Variants in DAG1 observed in about 807,000 individuals in gnomAD.
DAG1 encodes dystroglycan 1.
A neutral mutation model predicts 46.1 loss-of-function variants in DAG1; 8 were observed. The ratio of observed to expected loss-of-function variants is 0.17; its 90% CI spans 0.10 to 0.31. The LOEUF is 0.31. Among genes scored for constraint, DAG1 ranks in the 10% least tolerant of loss-of-function variants. The probability of loss-of-function intolerance (pLI) is 1.00; values close to 1 mark genes in which losing one functional copy is unlikely to be tolerated. For missense variants in DAG1, 1,003 were observed against 1,189.9 expected (o/e 0.84, Z 2.31); for synonymous variants, 495 against 481.8 (o/e 1.03, Z -0.36).
chr3:49,488,006 C>T (rs1185857595), intron 1 of DAG1, among the ~76,000 whole-genome samples: 1 of 151,988 alleles, frequency 6.6e-6, no homozygotes, highest in Non-Finnish European at 1.5e-5. Flanking sequence ...CCGGCCAGCC[C>T]CATAAATTCT....
chr3:49,490,367 T>TG (rs1316343509), intron 1 of DAG1, among the ~76,000 whole-genome samples: 1 of 148,674 alleles, frequency 6.7e-6, no homozygotes, highest in Non-Finnish European at 1.5e-5. Flanking sequence ...AAAAAAAAGT[T>TG]TTTTTTTTTT....
At chr3:49,521,646 G>A (rs1464128692) in intron 2 of DAG1, among the ~76,000 whole-genome samples, 1 of 151,832 alleles carries the variant, frequency 6.6e-6, no homozygotes. Flanking sequence ...ACGTTTTGCC[G>A]TGTTGCCCAG....
At chr3:49,499,629 T>C (rs1342343094) in intron 1 of DAG1, among the ~76,000 whole-genome samples, 1 of 152,180 alleles carries the variant, frequency 6.6e-6, no homozygotes, top group Non-Finnish European at 1.5e-5. Flanking sequence ...GAGCCGCCTG[T>C]TCCATAAGGC....
Position 49,532,547 on chromosome 3 carries a change from G to T in DAG1, c.2036G>T (p.Arg679Leu), listed in dbSNP as rs113904914. Residue 679 changes from arginine (R) to leucine (L), a missense_variant, in exon 3 of 3, where the codon CGC becomes CTC. Physicochemically the swap from Arg to Leu is moderately radical, Grantham distance 102. Coordinates refer to ENST00000308775, the MANE Select transcript of DAG1 (RefSeq NM_004393.6). The surrounding 1 kb of genome is among the most constrained non-coding windows in gnomAD (Gnocchi z 5.4). ...CPKEQIAGLS[R>L]RIAEDDGKPR... ...AAGGAGCAGATCGCTGGGCTGAGCC[G>T]CCGGATCGCTGAGGATGATGGAAAA... The T allele has an allele frequency of 1.3e-5, 21 of 1,613,462 alleles. No homozygotes were observed. In the South Asian group the frequency reaches 2.3e-4, roughly 18 times the overall value.
At chr3:49,506,801 G>T (rs1276028566) in intron 1 of DAG1, among the ~76,000 whole-genome samples, 1 of 151,900 alleles carries the variant, frequency 6.6e-6, no homozygotes, top group Non-Finnish European at 1.5e-5. Context: ...TTGATATCAG[G>T]ATAATGCTAC....
chr3:49,535,516 C>A lies in DAG1; in HGVS notation c.*2317C>A, dbSNP rs1200487477. The A allele has an allele frequency of 6.5e-6, 1 of 152,712 alleles. No individual in the cohort carries two copies. The highest frequency in any genetic ancestry group is 1.5e-5 in the Non-Finnish European group (1 of 68,056). 9.5% of individuals were successfully genotyped at this position (152,712 alleles called of 1,614,324 possible). ...CTCACATTCAAGTGTTCACCAACCA[C>A]TGATGTGTTTTTATTTCCTTCTATA... On this transcript the variant is annotated 3_prime_UTR_variant, in exon 3 of 3. Transcript: ENST00000308775.
At chr3:49,495,602 C>T (rs1214168962) in intron 1 of DAG1, among the ~76,000 whole-genome samples, 2 of 152,198 alleles carry the variant, frequency 1.3e-5, no homozygotes, top group Admixed American at 1.3e-4. Flanking sequence ...CACCTCTCCA[C>T]CTCCTACTCT....
chr3:49,518,310 G>A (rs1031093224), intron 2 of DAG1, among the ~76,000 whole-genome samples: 1 of 152,168 alleles, frequency 6.6e-6, no homozygotes, highest in African/African-American at 2.4e-5. Context: ...GAATAATCCA[G>A]TGTTTATAGC....
intron 1 of DAG1, among the ~76,000 whole-genome samples, chr3:49,504,584 T>C: frequency 1.1e-5 from 1 of 92,926 alleles, no homozygotes. Flanking sequence ...TTTTTTTTTT[T>C]TTTTTTTTTT....
chr3:49,501,324 A>G (rs1295928647), intron 1 of DAG1, among the ~76,000 whole-genome samples: 2 of 152,194 alleles, frequency 1.3e-5, no homozygotes, highest in African/African-American at 4.8e-5. Context: ...TAAGTGAAGT[A>G]AAGACTAAAG....
chr3:49,476,840 T>C (rs2049695035), intron 1 of DAG1: 1 of 152,086 alleles, frequency 6.6e-6, no homozygotes, highest in South Asian at 2.1e-4. Context: ...TTTCCTCCTT[T>C]TCCTGCAGGG....
chr3:49,498,723 T>C (rs938808501), intron 1 of DAG1, among the ~76,000 whole-genome samples: 4 of 151,692 alleles, frequency 2.6e-5, no homozygotes, highest in Non-Finnish European at 5.9e-5. Context: ...TAATTAATTT[T>C]TTTTTTTTGA....
At chr3:49,489,129 CT>C (rs1331820565) in intron 1 of DAG1, among the ~76,000 whole-genome samples, 1 of 147,990 alleles carries the variant, frequency 6.8e-6, no homozygotes, top group African/African-American at 2.5e-5. Context: ...CAGTTTTGCT[CT>C]TGTTGCCCAG....
intron 1 of DAG1, among the ~76,000 whole-genome samples, chr3:49,480,720 G>T (rs1167435094): frequency 7.3e-6 from 1 of 136,982 alleles, no homozygotes; most frequent in Non-Finnish European, 1.7e-5. Context: ...TACTTTGGTT[G>T]TAATAGATAA....
intron 2 of DAG1, among the ~76,000 whole-genome samples, chr3:49,511,350 G>A (rs1307652175): frequency 6.6e-6 from 1 of 152,182 alleles, no homozygotes; most frequent in Non-Finnish European, 1.5e-5. Flanking sequence ...TGAGGCCCGT[G>A]TAGAGAAGAG....
chr3:49,532,758 C>G lies in DAG1; in HGVS notation c.2247C>G (p.Val749=), dbSNP rs2051397293. 1 of 1,614,134 alleles carries G rather than the reference C, an allele frequency of 6.2e-7. No individual in the cohort carries two copies. Among genetic ancestry groups the G allele is most frequent in the Non-Finnish European group, 8.5e-7 (1 of 1,180,044 alleles). Residue 749 remains valine, a synonymous_variant, in exon 3 of 3, where the codon GTC becomes GTG. Coordinates refer to ENST00000308775, the MANE Select transcript of DAG1 (RefSeq NM_004393.6). The surrounding 1 kb of genome is among the most constrained non-coding windows in gnomAD (Gnocchi z 5.4). ...CTGAGAAGAGCAGTGAGGATGATGT[C>G]TACCTGCACACAGTCATTCCGGCCG... The part of the protein sequence containing the change: ...RDPEKSSEDD[V]YLHTVIPAVV...
intron 1 of DAG1, among the ~76,000 whole-genome samples, chr3:49,477,390 C>T (rs186949628): frequency 4.6e-5 from 7 of 152,280 alleles, no homozygotes; most frequent in Non-Finnish European, 1.0e-4. Flanking sequence ...CTCCTAGGCT[C>T]AAGCCATCCT....
At chr3:49,505,343 A>G (rs2107584912) in intron 1 of DAG1, among the ~76,000 whole-genome samples, 1 of 152,086 alleles carries the variant, frequency 6.6e-6, no homozygotes, top group Non-Finnish European at 1.5e-5. Context: ...TTCCTCCGTC[A>G]GCCTCTTGCG....
chr3:49,472,064 G>C (rs749804672), intron 1 of DAG1, among the ~76,000 whole-genome samples: 1 of 152,188 alleles, frequency 6.6e-6, no homozygotes, highest in African/African-American at 2.4e-5. Context: ...CTCTGGGCCT[G>C]CCTTGTGCTC....
Sources: allele counts gnomAD v4.1 joint callset (sites outside exome capture counted in the v4.1 genomes callset), GRCh38; gene constraint gnomAD v4.1.1; non-coding constraint Gnocchi (gnomAD v3.1); transcripts MANE v1.5; gene names NCBI Gene and HGNC (gene_info 2026-07-23, HGNC 2026-07-21).